Variants in KIFC3 observed in about 807,000 individuals in gnomAD.
The protein encoded by KIFC3 is kinesin-like protein KIFC3.
In KIFC3, 60 loss-of-function variants were observed where a neutral mutation model predicts 101.8. The ratio of observed to expected loss-of-function variants is 0.59; its 90% CI spans 0.48 to 0.73. The LOEUF is 0.73. KIFC3 is among the 30% of genes least tolerant of loss of function. The pLI, the probability that KIFC3 is intolerant of heterozygous loss-of-function variation, is 0.00. For synonymous variants in KIFC3, 476 were observed against 482.7 expected, an observed-to-expected ratio of 0.99 and a Z score of 0.18; for missense variants, 966 against 1,137.1, an observed-to-expected ratio of 0.85 and a Z score of 2.16.
At chr16:57,839,534 T>C (rs1385289267) in intron 1 of KIFC3, among the ~76,000 whole-genome samples, 1 of 152,212 alleles carries the variant, frequency 6.6e-6, no homozygotes, top group Middle Eastern at 3.4e-3. Flanking sequence ...AGCAAGACCA[T>C]GTCTCAATAA....
intron 3 of KIFC3, among the ~76,000 whole-genome samples, chr16:57,783,617 C>T (rs949493518): frequency 4.6e-5 from 7 of 151,906 alleles, no homozygotes; most frequent in South Asian, 4.2e-4. Flanking sequence ...AGATTACAGG[C>T]GCCCGCCACC....
intron 3 of KIFC3, chr16:57,791,117 A>G (rs1359454397): frequency 1.3e-5 from 2 of 155,698 alleles, no homozygotes; most frequent in Admixed American, 1.3e-4. Flanking sequence ...GTAATTGCAG[A>G]TACTTGGGAA....
At chr16:57,768,824 T>C (rs2050806346) in intron 9 of KIFC3, among the ~76,000 whole-genome samples, 1 of 152,170 alleles carries the variant, frequency 6.6e-6, no homozygotes. Context: ...CTGGTTATTC[T>C]CATATGTACA....
At chr16:57,823,838 AGG>A (rs2055406254) in intron 1 of KIFC3, among the ~76,000 whole-genome samples, 2 of 150,052 alleles carry the variant, frequency 1.3e-5, no homozygotes, top group African/African-American at 2.4e-5. Flanking sequence ...CACGTTGGCC[AGG>A]CTGGCCTCAA....
chr16:57,766,646 G>A (rs936398812), intron 10 of KIFC3, among the ~76,000 whole-genome samples: 3 of 152,190 alleles, frequency 2.0e-5, no homozygotes, highest in Non-Finnish European at 4.4e-5. Flanking sequence ...CCCAGGCACT[G>A]GGGCCAGGGC....
intron 1 of KIFC3, chr16:57,813,842 C>G: frequency 1.0e-6 from 1 of 985,410 alleles, no homozygotes. Flanking sequence ...GAACCCCATG[C>G]TCTCCTGGAC....
At chr16:57,791,031 C>T (rs955335026) in intron 3 of KIFC3, 10 of 482,552 alleles carry the variant, frequency 2.1e-5, no homozygotes, top group Admixed American at 1.9e-4. Flanking sequence ...GTTAGGACTT[C>T]GAGAGCAGCA....
At chr16:57,796,756 A>ACACAGAC (rs1389624433) in intron 2 of KIFC3, among the ~76,000 whole-genome samples, 1 of 152,220 alleles carries the variant, frequency 6.6e-6, no homozygotes, top group Non-Finnish European at 1.5e-5. Flanking sequence ...GCACACACAC[A>ACACAGAC]CACAGACACA....
intron 3 of KIFC3, among the ~76,000 whole-genome samples, chr16:57,773,408 G>A (rs1253777330): frequency 1.3e-5 from 2 of 152,188 alleles, no homozygotes; most frequent in East Asian, 1.9e-4. Flanking sequence ...AGGTGAGAAC[G>A]CACACCCAGC....
chr16:57,785,425 T>C, intron 3 of KIFC3: 1 of 1,237,968 alleles, frequency 8.1e-7, no homozygotes, highest in Non-Finnish European at 1.1e-6. Context: ...TGCTCCATAG[T>C]GGGCAGTGGC....
chr16:57,855,837 T>G lies in KIFC3; in HGVS notation c.108+6892A>C, dbSNP rs549936383. On this transcript the variant is annotated intron_variant, in intron 1 of 2. Coordinates refer to the KIFC3 transcript ENST00000563028. ...GGCACACACCTATAGTCCCAGCTAC[T>G]AGGGAGGCTGAGGCAGAAGAATCGC... 2.7e-5 allele frequency among the ~76,000 whole-genome samples: 4 copies of G among 150,754 alleles called. No individual in the cohort carries two copies. In the South Asian group the frequency reaches 8.3e-4, roughly 31 times the overall value.
In KIFC3 at chr16:57,797,375, A is replaced by G. The variant is rs144706971; in HGVS notation, c.172+697T>C. On this transcript the variant is annotated intron_variant, in intron 2 of 19. Transcript: ENST00000445690. ...CCCACGCCTCGGGAGAGGGTCATGG[A>G]CAGCTCCGCGGCCCCGCCAATCCAG... is the stretch of plus-strand genomic sequence containing the variant. 2.2e-3 allele frequency among the ~76,000 whole-genome samples: 335 copies of G among 152,302 alleles called. 1 individual carries two copies. The Middle Eastern group carries it at 0.024, about 11-fold the overall frequency.
At chr16:57,783,318 G>A (rs1389819454) in intron 3 of KIFC3, among the ~76,000 whole-genome samples, 1 of 152,136 alleles carries the variant, frequency 6.6e-6, no homozygotes, top group Non-Finnish European at 1.5e-5. Context: ...CCATCAATAG[G>A]CCTGTTGGAG....
chr16:57,769,746 T>C lies in KIFC3; in HGVS notation c.1088-21A>G, dbSNP rs921724197. On this transcript the variant is annotated intron_variant, in intron 8 of 19. Coordinates refer to ENST00000445690, the MANE Select transcript of KIFC3 (RefSeq NM_001130100.2). This position sits in a 1 kb window ranked among gnomAD's most constrained non-coding sequence, Gnocchi z 4.3. Reference sequence around the variant, plus strand: ...GACGCCTATGGGGACACTCGGGCTGTGAGGCGGGAGGGGATGAGGGGCCGC... The same window carrying C: ...GACGCCTATGGGGACACTCGGGCTGCGAGGCGGGAGGGGATGAGGGGCCGC... The C allele has an allele frequency of 4.3e-6, 7 of 1,612,874 alleles. No individual in the cohort carries two copies. In the Admixed American group the frequency reaches 1.2e-4, roughly 27 times the overall value.
At chr16:57,837,759 G>A (rs1416613202) in intron 1 of KIFC3, among the ~76,000 whole-genome samples, 1 of 152,138 alleles carries the variant, frequency 6.6e-6, no homozygotes, top group Admixed American at 6.6e-5. Flanking sequence ...ACTGCTCCTA[G>A]ACAAGGCCTT....
In KIFC3 at chr16:57,802,461, C is replaced by T. The variant is rs1266003081; in HGVS notation, c.-131G>A. On this transcript the variant is annotated 5_prime_UTR_variant, in exon 1 of 20. Coordinates refer to ENST00000445690, the MANE Select transcript of KIFC3 (RefSeq NM_001130100.2). The surrounding 1 kb of genome is among the most constrained non-coding windows in gnomAD (Gnocchi z 5.0). ...GGCAGGAGGCAGCTCCACGCCGCCG[C>T]CTCCTCCTCGGCCAGCCCGCTCGCG... is the stretch of plus-strand genomic sequence containing the variant. 5.1e-6 allele frequency: 5 copies of T among 983,168 alleles called. No individual in the cohort carries two copies. Among genetic ancestry groups the T allele is most frequent in the East Asian group, 2.3e-4 (2 of 8,790 alleles). 60.9% of individuals were successfully genotyped at this position (983,168 alleles called of 1,614,324 possible). A position where few individuals can be genotyped will look rare whatever the true frequency, so the allele number is the denominator to read the frequency against.
At position 57,760,329 on chromosome 16, in the gene KIFC3, G is replaced by T; in HGVS notation, c.2320C>A (p.Leu774Ile). 9 of 1,613,916 alleles carry T rather than the reference G, an allele frequency of 5.6e-6. No individual in the cohort carries two copies. The highest frequency in any genetic ancestry group is 7.6e-6 in the Non-Finnish European group (9 of 1,179,980). ...CAGGACCCAAGCTCTGCCCTGCGTA[G>T]CCCAGGCCCCAGCTCCACAGAGCGC... ...RVRSVELGPG[L>I]RRAELGSWSS... The change falls in exon 17 of 20, where the codon CTA (leucine) becomes ATA (isoleucine). Residue 774 changes from leucine (L) to isoleucine (I), a missense_variant. By Grantham distance (5) the Leu-to-Ile change is conservative (BLOSUM62 2). This residue lies in a region of KIFC3 where 689 missense variants were observed against 884.6 expected (regional missense o/e 0.78). Coordinates refer to ENST00000445690, the MANE Select transcript of KIFC3 (RefSeq NM_001130100.2).
intron 1 of KIFC3, among the ~76,000 whole-genome samples, chr16:57,832,828 T>A (rs1555479639): frequency 6.6e-6 from 1 of 152,158 alleles, no homozygotes; most frequent in African/African-American, 2.4e-5. Flanking sequence ...GCTTCAGACA[T>A]CCCTACGGAT....
At chr16:57,792,160 T>C (rs1260899027) in intron 3 of KIFC3, among the ~76,000 whole-genome samples, 2 of 152,172 alleles carry the variant, frequency 1.3e-5, no homozygotes, top group Non-Finnish European at 2.9e-5. Context: ...AATCAGTGTG[T>C]GTGGATGGTC....
Sources: allele counts gnomAD v4.1 joint callset (sites outside exome capture counted in the v4.1 genomes callset), GRCh38; gene constraint gnomAD v4.1.1; regional missense constraint gnomAD v4.1.1; non-coding constraint Gnocchi (gnomAD v3.1); transcripts MANE v1.5; gene names NCBI Gene and HGNC (gene_info 2026-07-23, HGNC 2026-07-21).